Variants in SCN8A observed in about 807,000 individuals in gnomAD.
The protein encoded by SCN8A is sodium channel protein type 8 subunit alpha.
SCN8A carries 30 observed loss-of-function variants against 184.1 expected under a neutral mutation model. That is an observed-to-expected ratio of 0.16 (90% CI 0.12 to 0.22). SCN8A has a LOEUF of 0.22. Among genes scored for constraint, SCN8A ranks in the 10% least tolerant of loss-of-function variants. The pLI is 1.00. For missense variants in SCN8A, 1,057 were observed against 2,498.9 expected, an observed-to-expected ratio of 0.42 and a Z score of 12.30; for synonymous variants, 852 against 907.0, an observed-to-expected ratio of 0.94 and a Z score of 1.09.
intron 1 of SCN8A, among the ~76,000 whole-genome samples, chr12:51,593,731 G>A (rs185518022): frequency 1.5e-4 from 23 of 152,230 alleles, no homozygotes; most frequent in African/African-American, 5.3e-4. Context: ...GGATGTGTAT[G>A]TACATGCGCA....
At chr12:51,614,169 A>G (rs1472600610) in intron 1 of SCN8A, among the ~76,000 whole-genome samples, 1 of 152,032 alleles carries the variant, frequency 6.6e-6, no homozygotes, top group Non-Finnish European at 1.5e-5. Context: ...GGATTTGTCC[A>G]TTTTATCCTT....
rs1942972709 is a variant in SCN8A at position 51,774,179 on chromosome 12, T to A, written c.3646-10T>A. 6.2e-7 allele frequency: 1 copy of A among 1,612,774 alleles called. No homozygotes were observed. The highest frequency in any genetic ancestry group is 8.5e-7 in the Non-Finnish European group (1 of 1,179,164). On this transcript the variant is annotated splice_polypyrimidine_tract_variant and intron_variant, in intron 19 of 26. Transcript: ENST00000627620. Reference sequence around the variant, plus strand: ...GGCACTGTCATAGGCAGCTGCTGCCTCTCTTTTAGGCCTTCGAGGACATCT... The same window carrying A: ...GGCACTGTCATAGGCAGCTGCTGCCACTCTTTTAGGCCTTCGAGGACATCT...
chr12:51,722,193 T>C (rs1385459347), intron 12 of SCN8A: 2 of 548,030 alleles, frequency 3.6e-6, no homozygotes, highest in Non-Finnish European at 3.2e-6. Context: ...GTTTCTGACA[T>C]TCCTTCTCCC....
In SCN8A at chr12:51,669,824, G is replaced by C. The variant is rs534051850; in HGVS notation, c.276+6731G>C. The stretch of plus-strand genomic sequence containing the variant: ...CACACGCAGCCCTATATGAGCTCCT[G>C]GCAGAAAATCCTTGCCAAAACTGTG... On this transcript the variant is annotated intron_variant, in intron 2 of 26. Coordinates refer to ENST00000627620, the MANE Select transcript of SCN8A (RefSeq NM_001330260.2). 2.1e-4 allele frequency among the ~76,000 whole-genome samples: 32 copies of C among 152,264 alleles called. 4 individuals are homozygous for C. The highest frequency in any genetic ancestry group is 7.7e-4 in the African/African-American group (32 of 41,544).
intron 26 of SCN8A, among the ~76,000 whole-genome samples, chr12:51,802,620 C>G (rs142502556): frequency 6.6e-6 from 1 of 152,306 alleles, no homozygotes; most frequent in Non-Finnish European, 1.5e-5. Context: ...TCAGTATGTG[C>G]TCTGGAGCTG....
chr12:51,609,782 A>G (rs189983245), intron 1 of SCN8A, among the ~76,000 whole-genome samples: 9,662 of 127,506 alleles, frequency 0.076, 1,105 homozygotes, highest in African/African-American at 0.25. Context: ...ACATGGACAC[A>G]GGAAGGGGAA....
intron 1 of SCN8A, among the ~76,000 whole-genome samples, chr12:51,597,261 T>C (rs1258784270): frequency 6.6e-6 from 1 of 152,168 alleles, no homozygotes; most frequent in Non-Finnish European, 1.5e-5. Flanking sequence ...TATTCACTAT[T>C]GATGGTAGGC....
chr12:51,720,075 CAAAAAAA>C (rs397944526), intron 11 of SCN8A, among the ~76,000 whole-genome samples: 2 of 85,492 alleles, frequency 2.3e-5, no homozygotes, highest in African/African-American at 5.1e-5. Flanking sequence ...GACTCCGTCT[CAAAAAAA>C]AAAAAAAAAA....
chr12:51,746,688 T>C (rs1942516283), intron 13 of SCN8A, among the ~76,000 whole-genome samples: 1 of 152,148 alleles, frequency 6.6e-6, no homozygotes, highest in Non-Finnish European at 1.5e-5. Flanking sequence ...GTTCTCTGTG[T>C]TAGGTGGGTT....
Position 51,685,047 on chromosome 12 carries a change from G to A in SCN8A, c.395+755G>A, listed in dbSNP as rs558271054. On this transcript the variant is annotated intron_variant, in intron 3 of 26. Coordinates refer to ENST00000627620, the MANE Select transcript of SCN8A (RefSeq NM_001330260.2). ...TCCTCCAAGTAGGATGAGGAAGCCA[G>A]CAGTGGCAACTTGGTGAATTGGTTT... Among the ~76,000 whole-genome samples the A allele has an allele frequency of 1.4e-4, 21 of 152,324 alleles. No homozygotes were observed. In the South Asian group the frequency reaches 4.3e-3, roughly 32 times the overall value.
Position 51,769,307 on chromosome 12 carries a change from G to A in SCN8A, c.3344G>A (p.Ser1115Asn). Residue 1115 changes from serine to asparagine, a missense_variant, in exon 17 of 27, where the codon AGC becomes AAC. By Grantham distance (46) the Ser-to-Asn change is conservative (BLOSUM62 1). Around this residue, in one of 19 missense-constraint regions of SCN8A, gnomAD observed 178 missense variants for 259.6 expected, o/e 0.69. Coordinates refer to ENST00000627620, the MANE Select transcript of SCN8A (RefSeq NM_001330260.2). ...FENLNTEDVS[S>N]ESDPEGSKDK... ...AACCTCAACACAGAGGATGTTAGCAGCGAGTCGGATCCTGAAGGCAGCAAA... is the reference window on the plus strand; with the variant it reads ...AACCTCAACACAGAGGATGTTAGCAACGAGTCGGATCCTGAAGGCAGCAAA... The A allele has an allele frequency of 6.3e-7, 1 of 1,598,796 alleles. No individual in the cohort carries two copies. The highest frequency in any genetic ancestry group is 8.6e-7 in the Non-Finnish European group (1 of 1,169,046).
chr12:51,639,012 G>T (rs1013768468), intron 1 of SCN8A, among the ~76,000 whole-genome samples: 1 of 152,182 alleles, frequency 6.6e-6, no homozygotes, highest in Admixed American at 6.5e-5. Context: ...ACAGGGTCTC[G>T]CTTTATCGCT....
intron 12 of SCN8A, among the ~76,000 whole-genome samples, chr12:51,735,549 C>T (rs952214780): frequency 3.3e-5 from 5 of 152,130 alleles, no homozygotes; most frequent in African/African-American, 7.2e-5. Context: ...GGAATACTCA[C>T]GACAGTGGTG....
intron 1 of SCN8A, among the ~76,000 whole-genome samples, chr12:51,616,589 C>T (rs1326881060): frequency 2.0e-5 from 3 of 151,586 alleles, no homozygotes; most frequent in African/African-American, 7.3e-5. Context: ...CCAGCCTGGG[C>T]AACAGAGTGA....
intron 14 of SCN8A, among the ~76,000 whole-genome samples, chr12:51,757,292 C>A (rs1942690889): frequency 1.5e-5 from 2 of 136,958 alleles, no homozygotes; most frequent in Non-Finnish European, 3.2e-5. Flanking sequence ...TCGTAAGGAA[C>A]CATTATTTTT....
chr12:51,790,621 C>T (rs1938222664), intron 25 of SCN8A, 119 bp downstream of exon 25: 8 of 642,146 alleles, frequency 1.2e-5, no homozygotes, highest in Non-Finnish European at 1.9e-5. Context: ...TAATCCTCTC[C>T]TCACCACCCA....
chr12:51,778,889 A>G (rs1409223491), intron 20 of SCN8A, among the ~76,000 whole-genome samples: 1 of 152,136 alleles, frequency 6.6e-6, no homozygotes, highest in African/African-American at 2.4e-5. Context: ...TGATGGAAAT[A>G]TCTTAACCTA....
chr12:51,717,149 C>T (rs1302136115), intron 11 of SCN8A, among the ~76,000 whole-genome samples: 1 of 152,188 alleles, frequency 6.6e-6, no homozygotes, highest in African/African-American at 2.4e-5. Context: ...CATGGCAAGC[C>T]CACTCCTCTT....
intron 1 of SCN8A, among the ~76,000 whole-genome samples, chr12:51,636,318 C>T (rs1940317231): frequency 6.6e-6 from 1 of 152,102 alleles, no homozygotes; most frequent in African/African-American, 2.4e-5. Flanking sequence ...TTTAATAATA[C>T]AATCTTTATA....
Sources: allele counts gnomAD v4.1 joint callset (sites outside exome capture counted in the v4.1 genomes callset), GRCh38; gene constraint gnomAD v4.1.1; regional missense constraint gnomAD v4.1.1; transcripts MANE v1.5; gene names NCBI Gene and HGNC (gene_info 2026-07-23, HGNC 2026-07-21).